Variants in DUSP3 observed in about 807,000 individuals in gnomAD.
The protein encoded by DUSP3 is dual specificity phosphatase 3.
In DUSP3, 7 loss-of-function variants were observed where a neutral mutation model predicts 15.5. That is an observed-to-expected ratio of 0.45 (90% CI 0.26 to 0.85). DUSP3 has a LOEUF of 0.85. DUSP3 is among the 40% of genes least tolerant of loss of function. The probability of loss-of-function intolerance (pLI) is 0.18; values close to 1 mark genes in which losing one functional copy is unlikely to be tolerated. For synonymous variants in DUSP3, 86 were observed against 104.2 expected (o/e 0.83, Z 1.07); for missense variants, 209 against 251.7 (o/e 0.83, Z 1.15).
In DUSP3 at chr17:43,770,990, ATGTGTGTGTG is replaced by A. The variant is rs71160061; in HGVS notation, c.353-1186_353-1177del. On this transcript the variant is annotated intron_variant, in intron 2 of 2. Transcript: ENST00000226004. ...ATAGTGTGTGTGTGCGTGTATATAT[ATGTGTGTGTG>A]TGTGTGTGTGTGTGTGTGTGTATGT... Among the ~76,000 whole-genome samples the A allele has an allele frequency of 2.7e-3, 392 of 146,758 alleles. 2 individuals are homozygous for A. Among genetic ancestry groups the A allele is most frequent in the African/African-American group, 7.7e-3 (304 of 39,332 alleles).
chr17:43,775,471 G>A (rs527582398), intron 1 of DUSP3, among the ~76,000 whole-genome samples: 14 of 152,256 alleles, frequency 9.2e-5, no homozygotes, highest in African/African-American at 3.1e-4. Flanking sequence ...TATTAAATGG[G>A]CTATTCCATT....
chr17:43,769,453 G>A lies in DUSP3; in HGVS notation c.*156C>T. On this transcript the variant is annotated 3_prime_UTR_variant, in exon 3 of 3. Transcript: ENST00000226004. ...CTTCTTTATGTGCTCCCCAGGGTGG[G>A]GAAAGTGGCCCAGGACTGTGTTGGG... 1 of 815,810 alleles carries A rather than the reference G, an allele frequency of 1.2e-6. No individual in the cohort carries two copies. Among genetic ancestry groups the A allele is most frequent in the Non-Finnish European group, 1.8e-6 (1 of 540,764 alleles). The allele number at this position is 815,810 out of a possible 1,614,324, so 50.5% of individuals were successfully genotyped here. A position where few individuals can be genotyped will look rare whatever the true frequency, so the allele number is the denominator to read the frequency against.
At chr17:43,771,784 G>A (rs375067040) in intron 2 of DUSP3, among the ~76,000 whole-genome samples, 13 of 152,234 alleles carry the variant, frequency 8.5e-5, no homozygotes, top group South Asian at 2.1e-4. Context: ...CGAGGTGGGC[G>A]GATCCCCTGA....
Position 43,774,899 on chromosome 17 carries a change from G to A in DUSP3, c.165C>T (p.Gly55=), listed in dbSNP as rs780207572. 11 of 1,614,116 alleles carry A rather than the reference G, an allele frequency of 6.8e-6. No individual in the cohort carries two copies. The Admixed American group carries it at 1.7e-4, about 24-fold the overall frequency. The change falls in exon 2 of 3, where the codon GGC becomes GGT. Residue 55 remains glycine (G), a synonymous_variant. Coordinates refer to ENST00000226004, the MANE Select transcript of DUSP3 (RefSeq NM_004090.4). Reference sequence around the variant, plus strand: ...CAGCCGCGTTCAGCACATGGGTGATGCCTAGTTTCTGCAGCTTGGGGATGT... The same window carrying A: ...CAGCCGCGTTCAGCACATGGGTGATACCTAGTTTCTGCAGCTTGGGGATGT... ...AQDIPKLQKL[G]ITHVLNAAEG...
intron 2 of DUSP3, among the ~76,000 whole-genome samples, chr17:43,773,059 G>A (rs1567782061): frequency 6.6e-6 from 1 of 152,224 alleles, no homozygotes; most frequent in Non-Finnish European, 1.5e-5. Flanking sequence ...CAGCTGGAGT[G>A]GAGGAGGTGA....
At position 43,774,945 on chromosome 17, in the gene DUSP3, A is replaced by T; in HGVS notation, c.126-7T>A. The T allele has an allele frequency of 6.2e-7, 1 of 1,614,158 alleles. No individual in the cohort carries two copies. The highest frequency in any genetic ancestry group is 1.1e-5 in the South Asian group (1 of 91,078). On this transcript the variant is annotated splice_region_variant and splice_polypyrimidine_tract_variant and intron_variant, in intron 1 of 2. Coordinates refer to ENST00000226004, the MANE Select transcript of DUSP3 (RefSeq NM_004090.4). ...GATGTCCTGAGCCACAGACCTGGAC[A>T]GGAGACAGTGGTGGGGATGATTAAC...
Position 43,767,767 on chromosome 17 carries a change from A to C in DUSP3, c.*1842T>G, listed in dbSNP as rs970917223. On this transcript the variant is annotated 3_prime_UTR_variant, in exon 3 of 3. Coordinates refer to ENST00000226004, the MANE Select transcript of DUSP3 (RefSeq NM_004090.4). ...CACCTTTTTCACTATCTGGAGAAGA[A>C]GACACATACTGGTTGTTCAGGGCTG... The C allele has an allele frequency of 1.3e-5, 2 of 152,140 alleles. No homozygotes were observed. The highest frequency in any genetic ancestry group is 2.9e-5 in the Non-Finnish European group (2 of 68,054). The allele number at this position is 152,140 out of a possible 1,614,324, so 9.4% of individuals were successfully genotyped here. A position where few individuals can be genotyped will look rare whatever the true frequency, so the allele number is the denominator to read the frequency against.
In DUSP3 at chr17:43,768,370, T is replaced by C. The variant is rs1974266707; in HGVS notation, c.*1239A>G. Reference sequence around the variant, plus strand: ...ACATGTGAGGGCTGGTGCATTCCAATATCATCCTTAGAAAGTCTTTTGAAA... The same window carrying C: ...ACATGTGAGGGCTGGTGCATTCCAACATCATCCTTAGAAAGTCTTTTGAAA... On this transcript the variant is annotated 3_prime_UTR_variant, in exon 3 of 3. Coordinates refer to ENST00000226004, the MANE Select transcript of DUSP3 (RefSeq NM_004090.4). The C allele has an allele frequency of 6.6e-6, 1 of 152,216 alleles. No homozygotes were observed. The highest frequency in any genetic ancestry group is 2.4e-5 in the African/African-American group (1 of 41,446). 9.4% of individuals were successfully genotyped at this position (152,216 alleles called of 1,614,324 possible). A position where few individuals can be genotyped will look rare whatever the true frequency, so the allele number is the denominator to read the frequency against.
chr17:43,772,503 T>G (rs1035033445), intron 2 of DUSP3, among the ~76,000 whole-genome samples: 1 of 152,160 alleles, frequency 6.6e-6, no homozygotes, highest in Non-Finnish European at 1.5e-5. Flanking sequence ...TTTTCCCAGC[T>G]AGAAGTGACT....
rs529509943 is a variant in DUSP3 at position 43,768,445 on chromosome 17, T to C, written c.*1164A>G. The C allele has an allele frequency of 6.6e-6, 1 of 152,304 alleles. No individual in the cohort carries two copies. The highest frequency in any genetic ancestry group is 1.9e-4 in the East Asian group (1 of 5,184). The allele number at this position is 152,304 out of a possible 1,614,324, so 9.4% of individuals were successfully genotyped here. The stretch of plus-strand genomic sequence containing the variant: ...GCTCTACCACCAATAAAGGATCCAT[T>C]TGGACACTCCGCCATGTCTCATGTC... On this transcript the variant is annotated 3_prime_UTR_variant, in exon 3 of 3. Coordinates refer to ENST00000226004, the MANE Select transcript of DUSP3 (RefSeq NM_004090.4).
chr17:43,768,252 G>A lies in DUSP3; in HGVS notation c.*1357C>T, dbSNP rs905533823. 4 of 152,192 alleles carry A rather than the reference G, an allele frequency of 2.6e-5. No homozygotes were observed. The highest frequency in any genetic ancestry group is 5.9e-5 in the Non-Finnish European group (4 of 68,054). 9.4% of individuals were successfully genotyped at this position (152,192 alleles called of 1,614,324 possible). On this transcript the variant is annotated 3_prime_UTR_variant, in exon 3 of 3. Transcript: ENST00000226004. ...CCCAGAGTGACCCTGAAGATAAATAGCATCACAATCACTTTCCATAATAAC... is the reference window on the plus strand; with the variant it reads ...CCCAGAGTGACCCTGAAGATAAATAACATCACAATCACTTTCCATAATAAC...
In DUSP3 at chr17:43,778,870, C is replaced by T. The variant is rs200953860; in HGVS notation, c.55G>A (p.Gly19Ser). 3.4e-5 allele frequency: 52 copies of T among 1,518,972 alleles called. No individual in the cohort carries two copies. The African/African-American group carries it at 6.9e-4, about 20-fold the overall frequency. The allele number at this position is 1,518,972 out of a possible 1,614,324, so 94.1% of individuals were successfully genotyped here. ...VQDLNDLLSDGSGCYSLPSQP... is the reference protein window; with the variant it reads ...VQDLNDLLSDSSGCYSLPSQP... Reference sequence around the variant, plus strand: ...CTCGGGAGGCTGTAGCAGCCGCTGCCGTCCGAGAGCAGGTCGTTGAGATCC... The same window carrying T: ...CTCGGGAGGCTGTAGCAGCCGCTGCTGTCCGAGAGCAGGTCGTTGAGATCC... Residue 19 changes from glycine to serine, a missense_variant, in exon 1 of 3, where the codon GGC becomes AGC. Gly to Ser is a moderately conservative substitution (Grantham distance 56). Coordinates refer to ENST00000226004, the MANE Select transcript of DUSP3 (RefSeq NM_004090.4).
chr17:43,778,837 A>C lies in DUSP3; in HGVS notation c.88T>G (p.Cys30Gly). The C allele has an allele frequency of 6.5e-7, 1 of 1,535,410 alleles. No homozygotes were observed. The highest frequency in any genetic ancestry group is 8.7e-7 in the Non-Finnish European group (1 of 1,143,200). Residue 30 changes from cysteine to glycine, a missense_variant, in exon 1 of 3, where the codon TGC (cysteine) becomes GGC (glycine). Physicochemically the swap from Cys to Gly is radical, Grantham distance 159. Transcript: ENST00000226004. ...SGCYSLPSQPCNEVTPRIYVG... is the reference protein window; with the variant it reads ...SGCYSLPSQPGNEVTPRIYVG... ...TAGATCCGCGGGGTGACCTCGTTGC[A>C]GGGCTGGCTCGGGAGGCTGTAGCAG...
chr17:43,773,705 G>A (rs958290534), intron 2 of DUSP3, among the ~76,000 whole-genome samples: 3 of 152,176 alleles, frequency 2.0e-5, no homozygotes, highest in African/African-American at 7.2e-5. Flanking sequence ...GCACGTGCTT[G>A]TAGTCCCAGC....
In DUSP3 at chr17:43,769,439, G is replaced by A; in HGVS notation, c.*170C>T. 2 of 690,752 alleles carry A rather than the reference G, an allele frequency of 2.9e-6. No homozygotes were observed. The highest frequency in any genetic ancestry group is 4.6e-6 in the Non-Finnish European group (2 of 436,160). The allele number at this position is 690,752 out of a possible 1,614,324, so 42.8% of individuals were successfully genotyped here. A position where few individuals can be genotyped will look rare whatever the true frequency, so the allele number is the denominator to read the frequency against. ...CCCCCCTTGGCAAGCTTCTTTATGT[G>A]CTCCCCAGGGTGGGGAAAGTGGCCC... On this transcript the variant is annotated 3_prime_UTR_variant, in exon 3 of 3. Coordinates refer to ENST00000226004, the MANE Select transcript of DUSP3 (RefSeq NM_004090.4).
chr17:43,770,423 C>G (rs1395082517), intron 2 of DUSP3, among the ~76,000 whole-genome samples: 2 of 152,090 alleles, frequency 1.3e-5, no homozygotes, highest in Non-Finnish European at 1.5e-5. Flanking sequence ...TTTGGGAGGC[C>G]AAGGCAACTG....
At position 43,768,042 on chromosome 17, in the gene DUSP3, G is replaced by A. The variant is rs1314933259; in HGVS notation, c.*1567C>T. The A allele has an allele frequency of 6.6e-6, 1 of 152,114 alleles. No homozygotes were observed. Among genetic ancestry groups the A allele is most frequent in the Non-Finnish European group, 1.5e-5 (1 of 68,030 alleles). 9.4% of individuals were successfully genotyped at this position (152,114 alleles called of 1,614,324 possible). The stretch of plus-strand genomic sequence containing the variant: ...AGTCCCTGATATTTCTTTCGTTTTA[G>A]GTAAGACTCCTTCACAAGGCCTTGC... On this transcript the variant is annotated 3_prime_UTR_variant, in exon 3 of 3. Coordinates refer to ENST00000226004, the MANE Select transcript of DUSP3 (RefSeq NM_004090.4).
At chr17:43,770,851 CG>C (rs1974308333) in intron 2 of DUSP3, among the ~76,000 whole-genome samples, 1 of 151,022 alleles carries the variant, frequency 6.6e-6, no homozygotes. Flanking sequence ...CTCCGCCTCC[CG>C]GGTTCAAGCA....
At chr17:43,774,027 G>A (rs1598301550) in intron 2 of DUSP3, 3 of 204,062 alleles carry the variant, frequency 1.5e-5, no homozygotes, top group South Asian at 5.5e-5. Context: ...CAGGAGAATC[G>A]CTTGAACCTG....
Sources: gnomAD v4.1 joint callset for allele counts (sites outside exome capture counted in the v4.1 genomes callset) on GRCh38, gnomAD v4.1.1 for gene constraint, MANE v1.5 for transcripts, NCBI Gene and HGNC (gene_info 2026-07-23, HGNC 2026-07-21) for gene names.